RXRA: variants seen among roughly 807,000 people sequenced by gnomAD.
RXRA encodes the protein retinoid X receptor alpha.
A neutral mutation model predicts 44.5 loss-of-function variants in RXRA; 5 were observed. The ratio of observed to expected loss-of-function variants is 0.11; its 90% CI spans 0.06 to 0.24. The LOEUF is 0.24. Among genes scored for constraint, RXRA ranks in the 10% least tolerant of loss-of-function variants. The probability of loss-of-function intolerance (pLI) is 1.00; values close to 1 mark genes in which losing one functional copy is unlikely to be tolerated. For synonymous variants in RXRA, 291 were observed against 271.4 expected (o/e 1.07, Z -0.71); for missense variants, 412 against 646.5 (o/e 0.64, Z 3.93).
At chr9:134,396,406 C>A (rs1326309488) in intron 1 of RXRA, among the ~76,000 whole-genome samples, 1 of 152,110 alleles carries the variant, frequency 6.6e-6, no homozygotes, top group Non-Finnish European at 1.5e-5. Flanking sequence ...TCTCCCTCCC[C>A]TGGGAGGCCA....
At chr9:134,422,227 C>T (rs1354510788) in intron 6 of RXRA, 6 of 1,287,038 alleles carry the variant, frequency 4.7e-6, no homozygotes, top group Admixed American at 2.3e-5. Context: ...CTGGGACATA[C>T]TCCCCACTCC....
rs12338819 is a variant in RXRA at position 134,407,118 on chromosome 9, A to G, written c.280-1031A>G. Among the ~76,000 whole-genome samples, 2,200 of 152,274 alleles carry G rather than the reference A, an allele frequency of 0.014. 53 individuals carry two copies. Among genetic ancestry groups the G allele is most frequent in the African/African-American group, 0.051 (2,102 of 41,542 alleles). On this transcript the variant is annotated intron_variant, in intron 2 of 9. Coordinates refer to ENST00000481739, the MANE Select transcript of RXRA (RefSeq NM_002957.6). This position sits in a 1 kb window ranked among gnomAD's most constrained non-coding sequence, Gnocchi z 4.8. ...CTGGGCAGATCGAGGAAGAACCTAG[A>G]AGCCAGAACAAGCTGGGGCTGGAAG... is the stretch of plus-strand genomic sequence containing the variant.
chr9:134,398,476 C>T (rs569670583), intron 1 of RXRA, among the ~76,000 whole-genome samples: 1 of 152,110 alleles, frequency 6.6e-6, no homozygotes, highest in Non-Finnish European at 1.5e-5. Context: ...TAGAGGATTC[C>T]AGAAAACACA....
chr9:134,348,955 C>T (rs1242354092), intron 1 of RXRA, among the ~76,000 whole-genome samples: 1 of 152,206 alleles, frequency 6.6e-6, no homozygotes, highest in African/African-American at 2.4e-5. Context: ...GAGTGCCAAC[C>T]GTGGCGTTGC....
intron 6 of RXRA, chr9:134,422,883 G>C (rs1451385168): frequency 7.1e-6 from 7 of 985,366 alleles, no homozygotes; most frequent in Middle Eastern, 5.2e-4. Flanking sequence ...GCCCAGGAGA[G>C]CCACGTGCTC....
chr9:134,353,555 G>A (rs1830247065), intron 1 of RXRA, among the ~76,000 whole-genome samples: 1 of 152,240 alleles, frequency 6.6e-6, no homozygotes, highest in African/African-American at 2.4e-5. Context: ...TGCCCCAGCA[G>A]CTTCCACGGC....
At chr9:134,330,116 G>A (rs1554746472) in intron 1 of RXRA, among the ~76,000 whole-genome samples, 1 of 152,174 alleles carries the variant, frequency 6.6e-6, no homozygotes, top group African/African-American at 2.4e-5. Context: ...CTGGGACCTC[G>A]AGTGGTGAGC....
chr9:134,386,363 C>T (rs1214110236), intron 1 of RXRA, among the ~76,000 whole-genome samples: 3 of 152,342 alleles, frequency 2.0e-5, no homozygotes, highest in Middle Eastern at 3.4e-3. Context: ...ACTGGCCTGG[C>T]GGGCGGGGGA....
intron 1 of RXRA, among the ~76,000 whole-genome samples, chr9:134,396,467 G>C (rs1025185631): frequency 1.3e-5 from 2 of 152,110 alleles, no homozygotes; most frequent in African/African-American, 2.4e-5. Flanking sequence ...GATCCAGGAA[G>C]CTCTGAGGGC....
intron 1 of RXRA, among the ~76,000 whole-genome samples, chr9:134,392,937 T>C (rs1183299120): frequency 6.6e-6 from 1 of 151,908 alleles, no homozygotes; most frequent in Non-Finnish European, 1.5e-5. Context: ...TGGCCGGTCA[T>C]TGCCAGCCCC....
chr9:134,359,558 G>C (rs1257375668), intron 1 of RXRA, among the ~76,000 whole-genome samples: 1 of 152,180 alleles, frequency 6.6e-6, no homozygotes, highest in Non-Finnish European at 1.5e-5. Context: ...GGGTGAGGGT[G>C]CCCGCCTGGG....
chr9:134,413,634 C>G (rs907393231), intron 4 of RXRA, among the ~76,000 whole-genome samples: 4 of 152,212 alleles, frequency 2.6e-5, no homozygotes, highest in African/African-American at 9.7e-5. Context: ...TTGCCACTAC[C>G]CAAGCCAGAG....
intron 1 of RXRA, among the ~76,000 whole-genome samples, chr9:134,335,230 G>T (rs556194369): frequency 1.3e-5 from 2 of 152,184 alleles, no homozygotes; most frequent in Admixed American, 1.3e-4. Flanking sequence ...ATGAGTGAGC[G>T]CCCCTCTGAG....
At chr9:134,429,675 C>T (rs972636222) in intron 7 of RXRA, among the ~76,000 whole-genome samples, 3 of 152,124 alleles carry the variant, frequency 2.0e-5, no homozygotes, top group African/African-American at 4.8e-5. Flanking sequence ...GCAGGGGTGT[C>T]GGGACCGCAG....
At chr9:134,390,734 C>T (rs1166680601) in intron 1 of RXRA, among the ~76,000 whole-genome samples, 1 of 152,190 alleles carries the variant, frequency 6.6e-6, no homozygotes, top group Non-Finnish European at 1.5e-5. Flanking sequence ...AAGTCCTGCT[C>T]AGCGGGCTGA....
intron 1 of RXRA, among the ~76,000 whole-genome samples, chr9:134,337,916 C>T (rs576476005): frequency 2.1e-3 from 322 of 152,282 alleles, no homozygotes; most frequent in African/African-American, 6.9e-3. Flanking sequence ...CAGGTGGCCG[C>T]GTGCCAGCCC....
In RXRA at chr9:134,437,638, A is replaced by G. The variant is rs913947596; in HGVS notation, c.*1024A>G. 1 of 152,240 alleles carries G rather than the reference A, an allele frequency of 6.6e-6. No individual in the cohort carries two copies. The highest frequency in any genetic ancestry group is 2.4e-5 in the African/African-American group (1 of 41,388). The allele number at this position is 152,240 out of a possible 1,614,324, so 9.4% of individuals were successfully genotyped here. ...CCCTCAGAGGGGGCAGGTGGCCTGGAGAGAGAGGGGCTCAGGAACTGGGAG... is the reference window on the plus strand; with the variant it reads ...CCCTCAGAGGGGGCAGGTGGCCTGGGGAGAGAGGGGCTCAGGAACTGGGAG... On this transcript the variant is annotated 3_prime_UTR_variant, in exon 10 of 10. Coordinates refer to ENST00000481739, the MANE Select transcript of RXRA (RefSeq NM_002957.6).
chr9:134,357,872 G>C (rs1177600362), intron 1 of RXRA, among the ~76,000 whole-genome samples: 1 of 152,204 alleles, frequency 6.6e-6, no homozygotes, highest in Non-Finnish European at 1.5e-5. Context: ...CTGATCCTAG[G>C]GTGAGGCCAT....
At chr9:134,404,039 C>G (rs1260979801) in intron 2 of RXRA, 1 of 152,232 alleles carries the variant, frequency 6.6e-6, no homozygotes, top group East Asian at 1.9e-4. Flanking sequence ...TTTGAGGCCT[C>G]AGCAGTTTGT....
Sources: allele counts gnomAD v4.1 joint callset (sites outside exome capture counted in the v4.1 genomes callset), GRCh38; gene constraint gnomAD v4.1.1; non-coding constraint Gnocchi (gnomAD v3.1); transcripts MANE v1.5; gene names NCBI Gene and HGNC (gene_info 2026-07-23, HGNC 2026-07-21).